RALB: variants seen among roughly 807,000 people sequenced by gnomAD.
The protein encoded by RALB is ras-related protein Ral-B.
In RALB, 16 loss-of-function variants were observed where a neutral mutation model predicts 21.3. That is an observed-to-expected ratio of 0.75 (90% confidence interval 0.51 to 1.14). The LOEUF (loss-of-function observed/expected upper bound fraction) is 1.14, where lower values mean the gene tolerates loss of function less well. Among genes scored for constraint, RALB ranks in the 50% most tolerant of loss-of-function variants. The pLI, the probability that RALB is intolerant of heterozygous loss-of-function variation, is 0.00. For missense variants in RALB, 161 were observed against 256.2 expected (o/e 0.63, Z 2.54); for synonymous variants, 93 against 96.1 (o/e 0.97, Z 0.19).
chr2:120,281,621 T>A (rs1689991505), intron 2 of RALB, among the ~76,000 whole-genome samples: 2 of 152,236 alleles, frequency 1.3e-5, no homozygotes, highest in South Asian at 4.1e-4. Context: ...TACCTGCTTT[T>A]CTTTATCTTA....
chr2:120,283,631 C>CT (rs1020674209), intron 2 of RALB, among the ~76,000 whole-genome samples: 38 of 152,130 alleles, frequency 2.5e-4, no homozygotes, highest in African/African-American at 8.9e-4. Context: ...TCGTTTTTGC[C>CT]TTTTTTGGGA....
chr2:120,270,094 C>G (rs1558950969), intron 1 of RALB, among the ~76,000 whole-genome samples: 1 of 152,166 alleles, frequency 6.6e-6, no homozygotes, highest in Admixed American at 6.5e-5. Context: ...GTTTGACTTA[C>G]TGCTTTGCAG....
intron 1 of RALB, among the ~76,000 whole-genome samples, chr2:120,265,668 T>G (rs1315190886): frequency 1.3e-5 from 2 of 152,236 alleles, no homozygotes; most frequent in African/African-American, 4.8e-5. Flanking sequence ...GCTCAGAGTA[T>G]GGACTGCTAG....
chr2:120,252,008 T>G (rs1689065888), upstream of RALB, among the ~76,000 whole-genome samples: 1 of 152,068 alleles, frequency 6.6e-6, no homozygotes, highest in Non-Finnish European at 1.5e-5. Flanking sequence ...GCCATGGATA[T>G]CACATTGCAT....
intron 1 of RALB, among the ~76,000 whole-genome samples, chr2:120,241,638 A>C (rs1029189934): frequency 1.3e-5 from 2 of 152,200 alleles, no homozygotes; most frequent in Non-Finnish European, 2.9e-5. Context: ...AGGCAGGAGA[A>C]TCACTTGAAC....
At chr2:120,250,957 G>T (rs1348244031), upstream of RALB, among the ~76,000 whole-genome samples, 1 of 152,176 alleles carries the variant, frequency 6.6e-6, no homozygotes, top group South Asian at 2.1e-4. Flanking sequence ...GGACCCCTCC[G>T]AGTTCTAGGC....
chr2:120,293,367 T>C lies in RALB; in HGVS notation c.*107T>C. 1 of 1,215,784 alleles carries C rather than the reference T, an allele frequency of 8.2e-7. No homozygotes were observed. The allele number at this position is 1,215,784 out of a possible 1,614,324, so 75.3% of individuals were successfully genotyped here. A position where few individuals can be genotyped will look rare whatever the true frequency, so the allele number is the denominator to read the frequency against. On this transcript the variant is annotated 3_prime_UTR_variant, in exon 5 of 5. Coordinates refer to ENST00000272519, the MANE Select transcript of RALB (RefSeq NM_002881.3). ...GCTTGTGCTTCCCACTCTCCCCGACTTCATTCACTCAAACTTCTTTAAATG... is the reference window on the plus strand; with the variant it reads ...GCTTGTGCTTCCCACTCTCCCCGACCTCATTCACTCAAACTTCTTTAAATG...
intron 1 of RALB, among the ~76,000 whole-genome samples, chr2:120,271,638 C>T (rs1441982513): frequency 6.6e-6 from 1 of 152,192 alleles, no homozygotes; most frequent in Admixed American, 6.5e-5. Context: ...TATGTGACTC[C>T]TGAACCCACT....
chr2:120,269,861 A>G (rs907848565), intron 1 of RALB, among the ~76,000 whole-genome samples: 1 of 152,228 alleles, frequency 6.6e-6, no homozygotes, highest in Non-Finnish European at 1.5e-5. Context: ...GTTTACATTC[A>G]TATAATTCTT....
intron 4 of RALB, among the ~76,000 whole-genome samples, chr2:120,291,769 C>T (rs1422905975): frequency 6.6e-6 from 1 of 152,074 alleles, no homozygotes; most frequent in East Asian, 1.9e-4. Flanking sequence ...GCAGTGCTTT[C>T]CTGAGAGGCT....
At chr2:120,261,624 G>C (rs928542332) in intron 1 of RALB, among the ~76,000 whole-genome samples, 2 of 152,156 alleles carry the variant, frequency 1.3e-5, no homozygotes, top group Admixed American at 6.5e-5. Context: ...TCTTTCCCTC[G>C]ACAGCAGCAT....
intron 3 of RALB, among the ~76,000 whole-genome samples, chr2:120,287,106 T>C (rs2104657791): frequency 6.6e-6 from 1 of 152,286 alleles, no homozygotes; most frequent in Middle Eastern, 3.4e-3. Flanking sequence ...AAAAATCAAA[T>C]CAGTTTTTTT....
Position 120,292,515 on chromosome 2 carries a change from C to T in RALB, c.502-626C>T, listed in dbSNP as rs534068539. 1.1e-4 allele frequency among the ~76,000 whole-genome samples: 17 copies of T among 152,286 alleles called. No homozygotes were observed. The South Asian group carries it at 3.5e-3, about 32-fold the overall frequency. On this transcript the variant is annotated intron_variant, in intron 4 of 4. Transcript: ENST00000272519. ...AGCAGGGACTCATTATGGCATTCTT[C>T]CCTTCCCTGGTGGTTGGAAATGCTA...
chr2:120,251,141 C>T (rs969102853), upstream of RALB, among the ~76,000 whole-genome samples: 1 of 152,256 alleles, frequency 6.6e-6, no homozygotes, highest in African/African-American at 2.4e-5. Context: ...GGCCTGATTT[C>T]TGACCCTGTT....
At chr2:120,256,256 G>C (rs6542577) in intron 1 of RALB, among the ~76,000 whole-genome samples, 105,667 of 152,118 alleles carry the variant, frequency 0.69, 37,297 homozygotes, top group Middle Eastern at 0.8. Context: ...GTGGGCCTAT[G>C]CACAGGGCTT....
At chr2:120,289,355 G>A (rs1387912804) in intron 3 of RALB, among the ~76,000 whole-genome samples, 1 of 151,708 alleles carries the variant, frequency 6.6e-6, no homozygotes, top group Admixed American at 6.6e-5. Flanking sequence ...TTTGTGATGA[G>A]CATCCCAGGG....
intron 1 of RALB, chr2:120,240,189 G>A (rs1644515780): frequency 2.3e-6 from 3 of 1,281,998 alleles, no homozygotes; most frequent in Non-Finnish European, 3.1e-6. Flanking sequence ...TGACTTGCCT[G>A]TTGTTATCCT....
intron 1 of RALB, among the ~76,000 whole-genome samples, chr2:120,254,513 G>A (rs1689147891): frequency 6.6e-6 from 1 of 152,128 alleles, no homozygotes; most frequent in Non-Finnish European, 1.5e-5. Flanking sequence ...TATCTTTTGG[G>A]AACTTGGGAC....
chr2:120,246,750 C>T (rs1025003666), intron 1 of RALB, among the ~76,000 whole-genome samples: 1 of 152,212 alleles, frequency 6.6e-6, no homozygotes, highest in Admixed American at 6.5e-5. Flanking sequence ...ACTGGACCTT[C>T]AGGTGCTCTG....
Sources: gnomAD v4.1 joint callset for allele counts (sites outside exome capture counted in the v4.1 genomes callset) on GRCh38, gnomAD v4.1.1 for gene constraint, MANE v1.5 for transcripts, NCBI Gene and HGNC (gene_info 2026-07-23, HGNC 2026-07-21) for gene names.